PODN: variants seen among roughly 807,000 people sequenced by gnomAD.
PODN encodes podocan proteoglycan.
PODN carries 40 observed loss-of-function variants against 52.7 expected under a neutral mutation model. The ratio of observed to expected loss-of-function variants is 0.76; its 90% CI spans 0.59 to 0.99. The LOEUF (loss-of-function observed/expected upper bound fraction) is 0.99, where lower values mean the gene tolerates loss of function less well. Among genes scored for constraint, PODN ranks in the 50% least tolerant of loss-of-function variants. The pLI, the probability that PODN is intolerant of heterozygous loss-of-function variation, is 0.00. For missense variants in PODN, 720 were observed against 815.1 expected, an observed-to-expected ratio of 0.88 and a Z score of 1.42; for synonymous variants, 396 against 377.9, an observed-to-expected ratio of 1.05 and a Z score of -0.56.
intron 5 of PODN, among the ~76,000 whole-genome samples, chr1:53,076,872 C>T (rs944564505): frequency 3.3e-5 from 5 of 152,120 alleles, no homozygotes; most frequent in South Asian, 2.1e-4. Flanking sequence ...ATGAAGGGGC[C>T]GCGAGTCAGG....
chr1:53,065,443 G>C (rs911172222), intron 1 of PODN, among the ~76,000 whole-genome samples: 2 of 152,204 alleles, frequency 1.3e-5, no homozygotes, highest in African/African-American at 4.8e-5. Flanking sequence ...AGTAGGGCTG[G>C]ACCTTCCCAG....
intron 1 of PODN, among the ~76,000 whole-genome samples, 170 bp from the exon 2 acceptor site, chr1:53,069,631 C>T (rs1391678007): frequency 6.6e-6 from 1 of 152,244 alleles, no homozygotes; most frequent in East Asian, 1.9e-4. Context: ...AGGGCTTTAC[C>T]TCGTCCCCCG....
intron 1 of PODN, among the ~76,000 whole-genome samples, chr1:53,064,143 T>C (rs1233215397): frequency 6.6e-6 from 1 of 152,242 alleles, no homozygotes; most frequent in Non-Finnish European, 1.5e-5. Context: ...GAGCAGATCA[T>C]ACTGCAGATC....
intron 10 of PODN, among the ~76,000 whole-genome samples, chr1:53,082,410 G>T (rs776073462): frequency 6.6e-5 from 10 of 152,224 alleles, no homozygotes; most frequent in Non-Finnish European, 1.0e-4. Context: ...CAGCATGAGG[G>T]TGCTGTCACG....
intron 1 of PODN, among the ~76,000 whole-genome samples, chr1:53,067,541 C>T (rs942510334): frequency 6.6e-6 from 1 of 152,042 alleles, no homozygotes; most frequent in Non-Finnish European, 1.5e-5. Context: ...CCACAGCCAC[C>T]ACAGGGCAGC....
chr1:53,066,985 C>T (rs537118524), intron 1 of PODN: 72 of 1,040,496 alleles, frequency 6.9e-5, no homozygotes, highest in African/African-American at 2.4e-4. Context: ...CTTAGAACCC[C>T]GGACTACAGT....
chr1:53,079,700 G>A (rs1003663977), intron 8 of PODN, among the ~76,000 whole-genome samples: 1 of 152,142 alleles, frequency 6.6e-6, no homozygotes, highest in Admixed American at 6.5e-5. Flanking sequence ...ACCAGTGTGG[G>A]TGAAAGAGAA....
intron 4 of PODN, 109 bp from the exon 5 acceptor site, chr1:53,075,753 G>A: frequency 1.2e-6 from 1 of 810,290 alleles, no homozygotes; most frequent in South Asian, 1.5e-5. Flanking sequence ...AAGATGGCCT[G>A]GTTGCAGGGA....
chr1:53,082,834 G>T (rs1433334324), intron 10 of PODN, among the ~76,000 whole-genome samples: 1 of 152,246 alleles, frequency 6.6e-6, no homozygotes, highest in Admixed American at 6.5e-5. Context: ...TGACACATTT[G>T]CATGCCTAGA....
At chr1:53,069,288 T>C (rs1644075864) in intron 1 of PODN, among the ~76,000 whole-genome samples, 1 of 152,172 alleles carries the variant, frequency 6.6e-6, no homozygotes, top group Admixed American at 6.5e-5. Context: ...GAACAGCATG[T>C]GCAAAGGCCT....
intron 1 of PODN, 27 bp from the exon 2 acceptor site, chr1:53,069,774 C>G (rs189229343): frequency 1.3e-6 from 2 of 1,553,914 alleles, no homozygotes. Context: ...TTTCGAGGGC[C>G]CCAGCTGTGT....
rs748844816 is a variant in PODN at position 53,078,475 on chromosome 1, G to C, written c.965G>C (p.Arg322Pro). Residue 322 changes from arginine (R) to proline (P), a missense_variant, in exon 8 of 11, where the codon CGG (arginine) becomes CCG (proline). Transcript: ENST00000312553. ...VLLHLEKNAI[R>P]SVDANVLTPI... ...CTGCACTTGGAGAAGAACGCCATCC[G>C]GAGCGTGGACGCGAATGTGCTGACC... 1 of 1,613,356 alleles carries C rather than the reference G, an allele frequency of 6.2e-7. No individual in the cohort carries two copies. Among genetic ancestry groups the C allele is most frequent in the East Asian group, 2.2e-5 (1 of 44,866 alleles).
At chr1:53,070,200 G>A (rs374478481) in intron 2 of PODN, 33 bp downstream of exon 2, 13 of 1,596,916 alleles carry the variant, frequency 8.1e-6, no homozygotes, top group Non-Finnish European at 1.1e-5. Context: ...GGTCACGGGG[G>A]CTGTCCCACA....
chr1:53,077,026 G>T (rs1471030245), intron 5 of PODN, among the ~76,000 whole-genome samples, 164 bp from the exon 6 acceptor site: 2 of 152,232 alleles, frequency 1.3e-5, no homozygotes. Flanking sequence ...TCTGGTCCTT[G>T]GTTCTGTCAG....
In PODN at chr1:53,070,282, G is replaced by A. The variant is rs572587694; in HGVS notation, c.312+115G>A. 16 of 1,490,540 alleles carry A rather than the reference G, an allele frequency of 1.1e-5. No homozygotes were observed. The African/African-American group carries it at 2.0e-4, about 18-fold the overall frequency. The allele number at this position is 1,490,540 out of a possible 1,614,324, so 92.3% of individuals were successfully genotyped here. On this transcript the variant is annotated intron_variant, in intron 2 of 10. Transcript: ENST00000312553. Reference sequence around the variant, plus strand: ...TCACCCAGAACCTCCAATATGTGCGGCTCTCCACTCCCAACCACAGGGTGC... The same window carrying A: ...TCACCCAGAACCTCCAATATGTGCGACTCTCCACTCCCAACCACAGGGTGC...
intron 3 of PODN, 89 bp from the exon 4 acceptor site, chr1:53,074,517 G>T (rs1366675746): frequency 6.1e-6 from 9 of 1,479,018 alleles, no homozygotes; most frequent in Non-Finnish European, 8.5e-6. Context: ...AGTCCTGGCA[G>T]GCGGGTGGGG....
chr1:53,081,081 G>A (rs555592458), intron 9 of PODN, among the ~76,000 whole-genome samples: 38 of 152,362 alleles, frequency 2.5e-4, no homozygotes, highest in African/African-American at 7.9e-4. Context: ...AAGCCAGTGC[G>A]CATGGGCGTT....
chr1:53,081,915 G>T (rs1644301059), intron 9 of PODN, 66 bp from the exon 10 acceptor site: 1 of 1,530,638 alleles, frequency 6.5e-7, no homozygotes, highest in East Asian at 2.3e-5. Flanking sequence ...GGAGAGGCCA[G>T]TCGGGGGAAG....
At chr1:53,080,620 C>G (rs1644281053) in intron 8 of PODN, 108 bp from the exon 9 acceptor site, 1 of 1,227,864 alleles carries the variant, frequency 8.1e-7, no homozygotes, top group South Asian at 1.5e-5. Flanking sequence ...CTCCTCCACA[C>G]AGGGTTATTG....
Sources: gnomAD v4.1 joint callset for allele counts (sites outside exome capture counted in the v4.1 genomes callset) on GRCh38, gnomAD v4.1.1 for gene constraint, MANE v1.5 for transcripts, NCBI Gene and HGNC (gene_info 2026-07-23, HGNC 2026-07-21) for gene names.